The following ZBTB7C variants were observed in gnomAD, a reference collection of about 807,000 sequenced individuals.
The protein encoded by ZBTB7C is zinc finger and BTB domain-containing protein 7C.
In ZBTB7C, 8 loss-of-function variants were observed where a neutral mutation model predicts 25.7. That is an observed-to-expected ratio of 0.31 (90% confidence interval 0.18 to 0.56). ZBTB7C has a LOEUF of 0.56. Among genes scored for constraint, ZBTB7C ranks in the 20% least tolerant of loss-of-function variants. The probability of loss-of-function intolerance (pLI) is 0.91; values close to 1 mark genes in which losing one functional copy is unlikely to be tolerated. For missense variants in ZBTB7C, 824 were observed against 855.2 expected (o/e 0.96, Z 0.46); for synonymous variants, 394 against 369.0 (o/e 1.07, Z -0.78).
chr18:48,263,022 GCTCATAACATGAGC>G (rs1345302529), intron 2 of ZBTB7C, among the ~76,000 whole-genome samples: 1 of 152,218 alleles, frequency 6.6e-6, no homozygotes, highest in Non-Finnish European at 1.5e-5. Flanking sequence ...GGCCCAGGTT[GCTCATAACATGAGC>G]CACTGTTCCT....
At chr18:48,229,383 G>A (rs2043191197) in intron 2 of ZBTB7C, among the ~76,000 whole-genome samples, 1 of 151,972 alleles carries the variant, frequency 6.6e-6, no homozygotes, top group Non-Finnish European at 1.5e-5. Context: ...CTTGTAAAGT[G>A]CCCTTTAAAA....
At chr18:48,291,287 G>C (rs1486497052) in intron 2 of ZBTB7C, among the ~76,000 whole-genome samples, 1 of 151,832 alleles carries the variant, frequency 6.6e-6, no homozygotes, top group Non-Finnish European at 1.5e-5. Context: ...AGGGAGGGTG[G>C]TGGTGAGGGG....
intron 1 of ZBTB7C, among the ~76,000 whole-genome samples, chr18:48,379,937 C>T (rs2047599220): frequency 6.6e-6 from 1 of 152,106 alleles, no homozygotes; most frequent in African/African-American, 2.4e-5. Flanking sequence ...CTGCCACACA[C>T]CTGTAAGCTA....
At chr18:48,337,353 A>G (rs1353964405) in intron 2 of ZBTB7C, among the ~76,000 whole-genome samples, 1 of 152,148 alleles carries the variant, frequency 6.6e-6, no homozygotes, top group Admixed American at 6.5e-5. Flanking sequence ...ACCTCATATG[A>G]CGCACACAGC....
intron 3 of ZBTB7C, among the ~76,000 whole-genome samples, chr18:48,145,629 C>T (rs890323307): frequency 6.6e-6 from 1 of 152,168 alleles, no homozygotes; most frequent in Non-Finnish European, 1.5e-5. Flanking sequence ...GGGGCAATGA[C>T]GAGAGCCAAT....
At chr18:48,159,970 C>A (rs984519272) in intron 3 of ZBTB7C, among the ~76,000 whole-genome samples, 1 of 152,228 alleles carries the variant, frequency 6.6e-6, no homozygotes, top group Non-Finnish European at 1.5e-5. Context: ...AACAGACATG[C>A]CTTGGTCTTT....
At chr18:48,119,906 T>A (rs751764463) in intron 3 of ZBTB7C, among the ~76,000 whole-genome samples, 2 of 152,156 alleles carry the variant, frequency 1.3e-5, no homozygotes, top group Non-Finnish European at 1.5e-5. Flanking sequence ...GAAGGCACTT[T>A]GAGTCTGGAG....
At chr18:48,053,428 T>A (rs901167959) in intron 3 of ZBTB7C, among the ~76,000 whole-genome samples, 2 of 152,120 alleles carry the variant, frequency 1.3e-5, no homozygotes, top group African/African-American at 4.8e-5. Flanking sequence ...CACCTTTGAC[T>A]GAATCAAACT....
intron 3 of ZBTB7C, among the ~76,000 whole-genome samples, chr18:48,131,352 C>T (rs187107418): frequency 3.3e-5 from 5 of 152,326 alleles, no homozygotes; most frequent in Middle Eastern, 6.8e-3. Context: ...AATTCCATTA[C>T]GATAACTTCC....
intron 3 of ZBTB7C, among the ~76,000 whole-genome samples, chr18:48,173,619 G>A (rs959497840): frequency 6.6e-6 from 1 of 152,188 alleles, no homozygotes; most frequent in Non-Finnish European, 1.5e-5. Context: ...GAGGCCCTAG[G>A]GCACCACATT....
At chr18:48,145,449 G>A (rs879427903) in intron 3 of ZBTB7C, among the ~76,000 whole-genome samples, 3 of 152,136 alleles carry the variant, frequency 2.0e-5, no homozygotes, top group East Asian at 1.9e-4. Flanking sequence ...CCCTGATTGC[G>A]GGTCTCAAGG....
At chr18:48,390,445 T>A (rs2047873844) in intron 1 of ZBTB7C, among the ~76,000 whole-genome samples, 1 of 152,174 alleles carries the variant, frequency 6.6e-6, no homozygotes, top group Admixed American at 6.5e-5. Flanking sequence ...AAGTAAGACA[T>A]AAACAAAAAA....
At chr18:48,284,812 CAGAGAG>C (rs778352743) in intron 2 of ZBTB7C, among the ~76,000 whole-genome samples, 5 of 109,188 alleles carry the variant, frequency 4.6e-5, no homozygotes, top group Admixed American at 8.9e-5. Flanking sequence ...AAAAAAAAAA[CAGAGAG>C]AGAGAGAGAG....
chr18:48,375,160 CA>C (rs2047489799), intron 1 of ZBTB7C, among the ~76,000 whole-genome samples: 2 of 152,364 alleles, frequency 1.3e-5, no homozygotes, highest in African/African-American at 4.8e-5. Context: ...TCCCCCTACC[CA>C]CCCTACTTAT....
chr18:48,226,422 C>T (rs1340511342), intron 2 of ZBTB7C, among the ~76,000 whole-genome samples: 1 of 152,190 alleles, frequency 6.6e-6, no homozygotes, highest in Non-Finnish European at 1.5e-5. Flanking sequence ...ACACACTAAG[C>T]AAGGTACTAT....
At chr18:48,077,981 G>C (rs1270045818) in intron 3 of ZBTB7C, among the ~76,000 whole-genome samples, 1 of 151,860 alleles carries the variant, frequency 6.6e-6, no homozygotes, top group African/African-American at 2.4e-5. Context: ...TCTTGGGGTG[G>C]GGGGGAGGGC....
chr18:48,339,068 G>A (rs987394269), intron 1 of ZBTB7C, among the ~76,000 whole-genome samples: 3 of 152,262 alleles, frequency 2.0e-5, no homozygotes, highest in Admixed American at 6.5e-5. Context: ...ACATTTCATA[G>A]CCAAGATTGT....
At chr18:48,186,965 A>T (rs2042071198) in intron 2 of ZBTB7C, among the ~76,000 whole-genome samples, 1 of 152,240 alleles carries the variant, frequency 6.6e-6, no homozygotes, top group Non-Finnish European at 1.5e-5. Context: ...AGTGAAGGCA[A>T]AGAGGCCTTG....
intron 4 of ZBTB7C, among the ~76,000 whole-genome samples, chr18:48,030,711 A>G (rs1285658447): frequency 3.3e-5 from 5 of 152,238 alleles, no homozygotes; most frequent in Non-Finnish European, 5.9e-5. Flanking sequence ...TGGTGACTTC[A>G]GGCAAGTTAC....
Sources: allele counts gnomAD v4.1 joint callset (sites outside exome capture counted in the v4.1 genomes callset), GRCh38; gene constraint gnomAD v4.1.1; transcripts MANE v1.5; gene names NCBI Gene and HGNC (gene_info 2026-07-23, HGNC 2026-07-21).